The following PRLR variants were observed in gnomAD, a reference collection of about 807,000 sequenced individuals.
PRLR encodes the protein prolactin receptor.
In PRLR, 13 loss-of-function variants were observed where a neutral mutation model predicts 40.2. The ratio of observed to expected loss-of-function variants is 0.32; its 90% CI spans 0.21 to 0.51. The LOEUF (loss-of-function observed/expected upper bound fraction) is 0.51. Ranked by LOEUF, PRLR falls within the 20% of genes least tolerant of loss-of-function variation. The probability of loss-of-function intolerance (pLI) is 0.97; values close to 1 mark genes in which losing one functional copy is unlikely to be tolerated. For synonymous variants in PRLR, 269 were observed against 278.7 expected (o/e 0.97, Z 0.35); for missense variants, 656 against 747.3 (o/e 0.88, Z 1.42).
At chr5:35,139,047 G>T (rs1396169433) in intron 1 of PRLR, among the ~76,000 whole-genome samples, 1 of 152,190 alleles carries the variant, frequency 6.6e-6, no homozygotes, top group African/African-American at 2.4e-5. Context: ...ATATGGGAGA[G>T]GGAATATTTT....
In PRLR at chr5:35,214,636, C is replaced by T. The variant is rs534001903; in HGVS notation, c.-106+15632G>A. Among the ~76,000 whole-genome samples, 6 of 152,264 alleles carry T rather than the reference C, an allele frequency of 3.9e-5. No individual in the cohort carries two copies. The East Asian group carries it at 1.2e-3, about 29-fold the overall frequency. The stretch of plus-strand genomic sequence containing the variant: ...CTCAGTGGTACAGGCTTGAAGCAAA[C>T]ACAGCAAAAAGAAGAAATGTATTCC... On this transcript the variant is annotated intron_variant, in intron 1 of 9. Transcript: ENST00000618457.
chr5:35,217,670 G>A (rs1037230063), intron 1 of PRLR, among the ~76,000 whole-genome samples: 13 of 152,120 alleles, frequency 8.5e-5, no homozygotes, highest in Non-Finnish European at 1.8e-4. Flanking sequence ...TTTTATGAAT[G>A]CTCTTTTATA....
chr5:35,078,926 T>C (rs548043568), intron 5 of PRLR, among the ~76,000 whole-genome samples: 192 of 152,268 alleles, frequency 1.3e-3, no homozygotes, highest in African/African-American at 4.5e-3. Context: ...ATAAATGTAA[T>C]CCATCATAGA....
chr5:35,080,846 G>C (rs1579599218), intron 5 of PRLR, among the ~76,000 whole-genome samples: 1 of 152,024 alleles, frequency 6.6e-6, no homozygotes, highest in South Asian at 2.1e-4. Context: ...ATACACCATG[G>C]AATACTATGC....
At chr5:35,090,788 G>C (rs1177279098) in intron 2 of PRLR, among the ~76,000 whole-genome samples, 2 of 111,210 alleles carry the variant, frequency 1.8e-5, no homozygotes, top group Non-Finnish European at 3.6e-5. Context: ...CCATCAATTA[G>C]CTCTTTTTTT....
At chr5:35,055,606 A>G (rs1016992922), downstream of PRLR, 2 of 152,322 alleles carry the variant, frequency 1.3e-5, no homozygotes, top group African/African-American at 4.8e-5. Context: ...CTATTCTAAT[A>G]AATTTTGTTG....
At chr5:35,210,831 C>G (rs955501923) in intron 1 of PRLR, among the ~76,000 whole-genome samples, 1 of 152,042 alleles carries the variant, frequency 6.6e-6, no homozygotes, top group Non-Finnish European at 1.5e-5. Context: ...CCCCTCAGTG[C>G]CCCCAAGTAG....
chr5:35,088,018 T>C (rs1770971400), intron 3 of PRLR, among the ~76,000 whole-genome samples: 1 of 152,216 alleles, frequency 6.6e-6, no homozygotes, highest in Non-Finnish European at 1.5e-5. Flanking sequence ...CCAGAGTTTC[T>C]AGCTGAGCAC....
intron 2 of PRLR, among the ~76,000 whole-genome samples, chr5:35,111,680 T>C (rs1301253499): frequency 6.6e-6 from 1 of 152,240 alleles, no homozygotes; most frequent in Non-Finnish European, 1.5e-5. Flanking sequence ...TACAGTCATA[T>C]AATGAAATAT....
At chr5:35,114,904 T>C (rs1181830449) in intron 2 of PRLR, among the ~76,000 whole-genome samples, 1 of 152,196 alleles carries the variant, frequency 6.6e-6, no homozygotes, top group Non-Finnish European at 1.5e-5. Flanking sequence ...CCTTCCCTTT[T>C]GGAATTCGGT....
rs796335773 is a variant in PRLR, at chr5:35,102,497, ACTCCTCTCCT to A, written c.-43-12844_-43-12835del. 4.4e-3 allele frequency among the ~76,000 whole-genome samples: 302 copies of A among 68,844 alleles called. 9 individuals carry two copies. The highest frequency in any genetic ancestry group is 0.017 in the South Asian group (29 of 1,738). 45.2% of individuals were successfully genotyped at this position (68,844 alleles called of 152,430 possible). A position where few individuals can be genotyped will look rare whatever the true frequency, so the allele number is the denominator to read the frequency against. ...TCCCGTCCCGTCCCGTCTCCTCTCC[ACTCCTCTCCT>A]CTCCTCTCCTCTCCTCTCCTCTCCT... On this transcript the variant is annotated intron_variant, in intron 2 of 9. Coordinates refer to ENST00000618457, the MANE Select transcript of PRLR (RefSeq NM_000949.7).
chr5:35,223,826 G>A (rs572666470), intron 1 of PRLR, among the ~76,000 whole-genome samples: 4 of 152,268 alleles, frequency 2.6e-5, no homozygotes, highest in East Asian at 1.9e-4. Context: ...TATTTTCCCC[G>A]TGGAGTCTAG....
At chr5:35,140,188 T>A (rs1360510276) in intron 1 of PRLR, among the ~76,000 whole-genome samples, 1 of 152,188 alleles carries the variant, frequency 6.6e-6, no homozygotes, top group Non-Finnish European at 1.5e-5. Flanking sequence ...CAGATGCAAG[T>A]CTTTAAGGAA....
In PRLR at chr5:35,064,996, T is replaced by C; in HGVS notation, c.*93A>G. On this transcript the variant is annotated 3_prime_UTR_variant, in exon 10 of 10. Transcript: ENST00000618457. ...AAAGGAGCTGGGAGCTTTAGTAGTG[T>C]CAGTCTGACTACATTCTTGAGCATT... The C allele has an allele frequency of 7.2e-7, 1 of 1,391,918 alleles. No homozygotes were observed. The highest frequency in any genetic ancestry group is 9.7e-7 in the Non-Finnish European group (1 of 1,026,138). The allele number at this position is 1,391,918 out of a possible 1,614,324, so 86.2% of individuals were successfully genotyped here.
intron 5 of PRLR, among the ~76,000 whole-genome samples, chr5:35,081,661 A>T (rs1341343911): frequency 6.6e-6 from 1 of 152,170 alleles, no homozygotes; most frequent in African/African-American, 2.4e-5. Context: ...ACTTTTCTAT[A>T]GTGATCCCCT....
At chr5:35,102,501 C>CG (rs1416070654) in intron 2 of PRLR, among the ~76,000 whole-genome samples, 2 of 101,774 alleles carry the variant, frequency 2.0e-5, no homozygotes, top group African/African-American at 4.0e-5. Flanking sequence ...CTCTCCACTC[C>CG]TCTCCTCTCC....
chr5:35,131,975 A>G (rs1773698637), intron 1 of PRLR, among the ~76,000 whole-genome samples: 1 of 152,192 alleles, frequency 6.6e-6, no homozygotes. Context: ...AAATGGTGCC[A>G]AAAGGATACT....
chr5:35,212,180 C>T (rs1469000832), intron 1 of PRLR, among the ~76,000 whole-genome samples: 1 of 152,220 alleles, frequency 6.6e-6, no homozygotes, highest in Admixed American at 6.5e-5. Flanking sequence ...TTGGCCAGGG[C>T]AGCCATTTCT....
chr5:35,139,903 A>C (rs1773967085), intron 1 of PRLR, among the ~76,000 whole-genome samples: 1 of 149,070 alleles, frequency 6.7e-6, no homozygotes, highest in East Asian at 2.0e-4. Context: ...AGAGCAAATA[A>C]AAAATATAGA....
Sources: allele counts gnomAD v4.1 joint callset (sites outside exome capture counted in the v4.1 genomes callset), GRCh38; gene constraint gnomAD v4.1.1; transcripts MANE v1.5; gene names NCBI Gene and HGNC (gene_info 2026-07-23, HGNC 2026-07-21).